Variants in INTS4 observed in about 807,000 individuals in gnomAD.
INTS4 encodes the protein integrator complex subunit 4.
Under a neutral mutation model 119.5 loss-of-function variants are expected in INTS4, and 70 were observed. That is an observed-to-expected ratio of 0.59 (90% CI 0.48 to 0.71). The LOEUF (loss-of-function observed/expected upper bound fraction) is 0.71, where lower values mean the gene tolerates loss of function less well. Among genes scored for constraint, INTS4 ranks in the 30% least tolerant of loss-of-function variants. INTS4 has a pLI of 0.00. For missense variants in INTS4, 867 were observed against 1,173.2 expected (o/e 0.74, Z 3.81); for synonymous variants, 316 against 419.6 (o/e 0.75, Z 3.02).
intron 16 of INTS4, among the ~76,000 whole-genome samples, chr11:77,905,009 A>G (rs1214933761): frequency 6.6e-6 from 1 of 152,186 alleles, no homozygotes; most frequent in East Asian, 1.9e-4. Flanking sequence ...AACCTGGTAA[A>G]AGATTATTTT....
Position 77,969,189 on chromosome 11 carries a change from C to T in INTS4, c.472-8051G>A, listed in dbSNP as rs145922587. Among the ~76,000 whole-genome samples the T allele has an allele frequency of 6.3e-3, 956 of 152,260 alleles. 19 individuals are homozygous for T. The highest frequency in any genetic ancestry group is 0.049 in the East Asian group (254 of 5,184). ...GCCTCAAGTGATCTGCCTGCTTTGG[C>T]CTCCCAGAGTGCTGGGATTACAAGT... On this transcript the variant is annotated intron_variant, in intron 4 of 22. Transcript: ENST00000534064.
chr11:77,981,323 G>T, intron 3 of INTS4, 136 bp downstream of exon 3: 2 of 415,534 alleles, frequency 4.8e-6, no homozygotes, highest in Non-Finnish European at 4.3e-6. Flanking sequence ...ATGTAAATAT[G>T]TATATATGGT....
In INTS4 at chr11:77,878,956, C is replaced by T. The variant is rs536814853; in HGVS notation, c.2885G>A (p.Arg962Gln). 5.6e-6 allele frequency: 9 copies of T among 1,613,752 alleles called. No individual in the cohort carries two copies. Among genetic ancestry groups the T allele is most frequent in the South Asian group, 5.5e-5 (5 of 91,068 alleles). ...VKVYIMPKPA[R>Q]R ...GGGAAGACTGTTTTTGCCTTAGCGC[C>T]GTGCAGGTTTGGGCATTATATAAAC... Residue 962 changes from arginine to glutamine, a missense_variant, in exon 23 of 23, where the codon CGG becomes CAG. Arg to Gln is a conservative substitution (Grantham distance 43). Coordinates refer to ENST00000534064, the MANE Select transcript of INTS4 (RefSeq NM_033547.4).
chr11:77,981,540 A>G lies in INTS4; in HGVS notation c.283T>C (p.Leu95=), dbSNP rs2136645322. The stretch of plus-strand genomic sequence containing the variant: ...GCTGTCTTTGATAATAAACCCAACA[A>G]TGATGCAATTTTCAGTCTCACAGAT... ...DPSVRLKIAS[L]LGLLSKTAGF... is the part of the protein sequence containing the mutation. Residue 95 remains leucine (L), a synonymous_variant, in exon 3 of 23, where the codon TTG becomes CTG. Coordinates refer to ENST00000534064, the MANE Select transcript of INTS4 (RefSeq NM_033547.4). 1.3e-6 allele frequency: 2 copies of G among 1,587,192 alleles called. No individual in the cohort carries two copies. Among genetic ancestry groups the G allele is most frequent in the East Asian group, 2.3e-5 (1 of 43,808 alleles).
intron 1 of INTS4, among the ~76,000 whole-genome samples, chr11:77,993,757 T>C (rs796657387): frequency 1.3e-5 from 2 of 152,154 alleles, no homozygotes; most frequent in Admixed American, 1.3e-4. Context: ...GATCTAAGAA[T>C]GCAACCAATG....
chr11:77,876,776 C>T (rs1951606363), downstream of INTS4, among the ~76,000 whole-genome samples: 1 of 152,222 alleles, frequency 6.6e-6, no homozygotes, highest in African/African-American at 2.4e-5. Flanking sequence ...AGGAGACAGA[C>T]ATTATCTCAA....
chr11:77,883,518 G>GACTTGCT, intron 22 of INTS4, among the ~76,000 whole-genome samples: 5 of 152,284 alleles, frequency 3.3e-5, no homozygotes, highest in Admixed American at 3.3e-4. Flanking sequence ...AAGCAAGTCG[G>GACTTGCT]TGGCAGTTAG....
In INTS4 at chr11:77,974,238, C is replaced by CTT. The variant is rs60093605; in HGVS notation, c.471+4756_471+4757dup. 1.3e-3 allele frequency among the ~76,000 whole-genome samples: 106 copies of CTT among 84,296 alleles called. 1 individual carries two copies. The highest frequency in any genetic ancestry group is 1.8e-3 in the Non-Finnish European group (76 of 41,162). 55.3% of individuals were successfully genotyped at this position (84,296 alleles called of 152,430 possible). A position where few individuals can be genotyped will look rare whatever the true frequency, so the allele number is the denominator to read the frequency against. On this transcript the variant is annotated intron_variant, in intron 4 of 22. Coordinates refer to ENST00000534064, the MANE Select transcript of INTS4 (RefSeq NM_033547.4). ...TTTATTGGTATATAATTTTTCTTTT[C>CTT]TTTTTTTTTTTTTTTTTTTTTTGAG...
At chr11:77,915,148 A>C (rs2136467312) in intron 15 of INTS4, 1 of 160,888 alleles carries the variant, frequency 6.2e-6, no homozygotes. Context: ...TTACGGTAAC[A>C]AGCTTTCACT....
chr11:77,991,156 C>T lies in INTS4; in HGVS notation c.198G>A (p.Ala66=), dbSNP rs145060099. Residue 66 remains alanine, a synonymous_variant, in exon 2 of 23, where the codon GCG becomes GCA. Coordinates refer to ENST00000534064, the MANE Select transcript of INTS4 (RefSeq NM_033547.4). ...TCCTGACTACTCCCTCTACGCTTTC[C>T]GCCTCGACAGGCTTCCTGGCAAACT... ...LLQFARKPVE[A]ESVEGVVRIL... 5.0e-5 allele frequency: 80 copies of T among 1,614,146 alleles called. No individual in the cohort carries two copies. The African/African-American group carries it at 6.9e-4, about 14-fold the overall frequency.
chr11:77,935,670 C>T (rs1457955433), intron 10 of INTS4, among the ~76,000 whole-genome samples: 1 of 151,896 alleles, frequency 6.6e-6, no homozygotes, highest in Non-Finnish European at 1.5e-5. Context: ...CCGAGGTGGC[C>T]GGATTGCTTG....
chr11:77,960,456 A>C (rs950128440), intron 5 of INTS4, 65 bp from the exon 6 acceptor site: 1 of 1,180,206 alleles, frequency 8.5e-7, no homozygotes, highest in African/African-American at 1.5e-5. Context: ...ATGTCTCCCC[A>C]CAATCTCACA....
intron 4 of INTS4, among the ~76,000 whole-genome samples, chr11:77,974,807 C>T (rs975801663): frequency 1.6e-4 from 25 of 151,748 alleles, no homozygotes; most frequent in Admixed American, 1.2e-3. Flanking sequence ...TCCTATGTGA[C>T]CCAGGCTGGT....
chr11:77,960,730 G>A (rs1565274287), intron 5 of INTS4, among the ~76,000 whole-genome samples: 1 of 151,912 alleles, frequency 6.6e-6, no homozygotes, highest in Non-Finnish European at 1.5e-5. Flanking sequence ...GGTTCCTATT[G>A]TGCTTTCCAT....
intron 4 of INTS4, among the ~76,000 whole-genome samples, chr11:77,977,546 A>C (rs1856000947): frequency 6.6e-6 from 1 of 152,004 alleles, no homozygotes; most frequent in Non-Finnish European, 1.5e-5. Flanking sequence ...TGCATACAGA[A>C]AAAAAATCAG....
At chr11:77,916,017 G>A (rs1207245131) in intron 15 of INTS4, among the ~76,000 whole-genome samples, 1 of 152,204 alleles carries the variant, frequency 6.6e-6, no homozygotes, top group Non-Finnish European at 1.5e-5. Flanking sequence ...CCCACTCATT[G>A]TGTGGCTCTG....
At chr11:77,958,447 A>AT (rs1177442946) in intron 7 of INTS4, among the ~76,000 whole-genome samples, 2 of 152,196 alleles carry the variant, frequency 1.3e-5, no homozygotes, top group Non-Finnish European at 2.9e-5. Context: ...AATTTTAAAG[A>AT]TTTTTTTGTA....
At position 77,909,684 on chromosome 11, in the gene INTS4, A is replaced by G. The variant is rs564947455; in HGVS notation, c.1923-1874T>C. Among the ~76,000 whole-genome samples the G allele has an allele frequency of 2.7e-4, 41 of 152,392 alleles. 3 individuals are homozygous for G. The South Asian group carries it at 8.3e-3, about 31-fold the overall frequency. On this transcript the variant is annotated intron_variant, in intron 15 of 22. Transcript: ENST00000534064. ...CTTGTGAAAAGCATCCTAACTGGAT[A>G]TAAGTATAGACACAATGACTGTAAC... is the stretch of plus-strand genomic sequence containing the variant.
chr11:77,885,456 C>A (rs1951964676), intron 21 of INTS4, among the ~76,000 whole-genome samples: 1 of 152,096 alleles, frequency 6.6e-6, no homozygotes, highest in Admixed American at 6.6e-5. Flanking sequence ...GAAAAAAATG[C>A]AGGTGTCTCA....
Sources: gnomAD v4.1 joint callset for allele counts (sites outside exome capture counted in the v4.1 genomes callset) on GRCh38, gnomAD v4.1.1 for gene constraint, MANE v1.5 for transcripts, NCBI Gene and HGNC (gene_info 2026-07-23, HGNC 2026-07-21) for gene names.